Variants in AGBL1 observed in about 807,000 individuals in gnomAD.
AGBL1 encodes cytosolic carboxypeptidase 4.
AGBL1 carries 130 observed loss-of-function variants against 118.9 expected under a neutral mutation model. The observed-to-expected ratio is 1.09, with a 90% CI of 0.95 to 1.26. The LOEUF is 1.26. Ranked by LOEUF, AGBL1 falls within the 50% of genes most tolerant of loss-of-function variation. The probability of loss-of-function intolerance (pLI) is 0.00; values close to 1 mark genes in which losing one functional copy is unlikely to be tolerated. For synonymous variants in AGBL1, 555 were observed against 478.9 expected (o/e 1.16, Z -2.08); for missense variants, 1,584 against 1,298.1 (o/e 1.22, Z -3.38).
intron 15 of AGBL1, among the ~76,000 whole-genome samples, chr15:86,277,262 G>A (rs1168257435): frequency 6.6e-6 from 1 of 151,342 alleles, no homozygotes; most frequent in African/African-American, 2.4e-5. Context: ...AAGCTATGGG[G>A]GGTAGCATGT....
At chr15:86,997,759 C>T (rs1473249592) in intron 24 of AGBL1, among the ~76,000 whole-genome samples, 1 of 151,756 alleles carries the variant, frequency 6.6e-6, no homozygotes, top group Non-Finnish European at 1.5e-5. Flanking sequence ...ATCTCTGCTC[C>T]TTTTTTTTAA....
At chr15:86,212,375 C>G (rs1001952545) in intron 5 of AGBL1, among the ~76,000 whole-genome samples, 8 of 152,096 alleles carry the variant, frequency 5.3e-5, no homozygotes, top group Non-Finnish European at 1.2e-4. Flanking sequence ...GAGTCTGGAA[C>G]TCAGGAAGCG....
chr15:86,512,453 C>A (rs1018264077), intron 18 of AGBL1, among the ~76,000 whole-genome samples: 4 of 134,468 alleles, frequency 3.0e-5, no homozygotes, highest in Non-Finnish European at 5.9e-5. Flanking sequence ...CTTTGAATAT[C>A]CTTGTTCAAT....
rs187432888 is a variant in AGBL1, at chr15:86,473,827, C to A, written c.2556-48983C>A. Among the ~76,000 whole-genome samples the A allele has an allele frequency of 3.3e-5, 5 of 152,080 alleles. No individual in the cohort carries two copies. In the East Asian group the frequency reaches 9.7e-4, roughly 30 times the overall value. ...ATTGATTATTAACTCGGTATTAATT[C>A]CCATAATGGAGTGGCTGGATTGAGC... On this transcript the variant is annotated intron_variant, in intron 18 of 22. Coordinates refer to ENST00000614907, the MANE Select transcript of AGBL1 (RefSeq NM_001386094.1).
intron 17 of AGBL1, among the ~76,000 whole-genome samples, chr15:86,357,726 C>A (rs756252835): frequency 6.6e-6 from 1 of 152,084 alleles, no homozygotes; most frequent in Non-Finnish European, 1.5e-5. Flanking sequence ...AAATAATGTT[C>A]CCTTAACTCT....
intron 17 of AGBL1, among the ~76,000 whole-genome samples, chr15:86,377,096 T>C (rs2081051617): frequency 6.6e-6 from 1 of 152,196 alleles, no homozygotes; most frequent in South Asian, 2.1e-4. Context: ...CTGGGCCTAA[T>C]GGTGCAGAAC....
chr15:86,120,390 C>G (rs1567067209), intron 1 of AGBL1, among the ~76,000 whole-genome samples: 4 of 152,200 alleles, frequency 2.6e-5, no homozygotes, highest in Admixed American at 2.6e-4. Flanking sequence ...CATTAACCTA[C>G]AGTGTACTTG....
At chr15:86,498,355 G>T (rs1368230350) in intron 18 of AGBL1, among the ~76,000 whole-genome samples, 1 of 151,926 alleles carries the variant, frequency 6.6e-6, no homozygotes, top group Non-Finnish European at 1.5e-5. Context: ...TCATTTGAGT[G>T]CCTGGTACAG....
At chr15:86,213,713 T>C (rs900409530) in intron 5 of AGBL1, among the ~76,000 whole-genome samples, 1 of 152,212 alleles carries the variant, frequency 6.6e-6, no homozygotes, top group South Asian at 2.1e-4. Context: ...GACTAGTTAG[T>C]CATCAAATAC....
chr15:86,335,829 A>G (rs1443831061), intron 17 of AGBL1, among the ~76,000 whole-genome samples: 2 of 152,230 alleles, frequency 1.3e-5, no homozygotes, highest in Non-Finnish European at 1.5e-5. Flanking sequence ...CAGCACTTAA[A>G]TTCAGGACAC....
intron 22 of AGBL1, among the ~76,000 whole-genome samples, chr15:86,756,335 T>C (rs1313788377): frequency 6.6e-6 from 1 of 151,898 alleles, no homozygotes; most frequent in Non-Finnish European, 1.5e-5. Context: ...AAATCCCTTT[T>C]CTAGAGTCCA....
At chr15:86,779,665 T>C (rs1186470764) in intron 22 of AGBL1, among the ~76,000 whole-genome samples, 1 of 152,220 alleles carries the variant, frequency 6.6e-6, no homozygotes, top group Non-Finnish European at 1.5e-5. Context: ...ATTCTGATGA[T>C]CCACATTACC....
chr15:86,924,911 T>C (rs2141624834), intron 23 of AGBL1, among the ~76,000 whole-genome samples: 1 of 151,764 alleles, frequency 6.6e-6, no homozygotes, highest in Middle Eastern at 3.4e-3. Context: ...CCGTCTCTAC[T>C]AAAAATACAA....
chr15:86,446,136 G>C (rs2082117949), intron 18 of AGBL1, among the ~76,000 whole-genome samples: 1 of 152,202 alleles, frequency 6.6e-6, no homozygotes. Flanking sequence ...GAGCCGACAT[G>C]ATTCAAGAGG....
chr15:86,550,871 C>G (rs777395270), intron 20 of AGBL1, among the ~76,000 whole-genome samples: 1 of 151,726 alleles, frequency 6.6e-6, no homozygotes, highest in African/African-American at 2.4e-5. Flanking sequence ...GGACTGAAAC[C>G]ATGCACAGAA....
chr15:86,696,753 T>C (rs1360500402), intron 22 of AGBL1, among the ~76,000 whole-genome samples: 1 of 151,976 alleles, frequency 6.6e-6, no homozygotes, highest in Admixed American at 6.6e-5. Context: ...TGTTAAGAGA[T>C]TTGGAGCTCC....
chr15:86,880,422 T>C (rs2079874356), intron 22 of AGBL1, among the ~76,000 whole-genome samples: 1 of 152,146 alleles, frequency 6.6e-6, no homozygotes, highest in Non-Finnish European at 1.5e-5. Context: ...GAGCAGGGGA[T>C]GGAGAAGTTT....
chr15:86,478,127 A>C (rs902138647), intron 18 of AGBL1, among the ~76,000 whole-genome samples: 1 of 152,214 alleles, frequency 6.6e-6, no homozygotes, highest in Non-Finnish European at 1.5e-5. Flanking sequence ...CCAATATCAT[A>C]CTGAATGGGC....
At chr15:86,966,359 T>C (rs2081053042) in intron 23 of AGBL1, among the ~76,000 whole-genome samples, 1 of 151,498 alleles carries the variant, frequency 6.6e-6, no homozygotes. Flanking sequence ...AGTTTTGGGG[T>C]ACATGGGCAC....
Sources: allele counts gnomAD v4.1 joint callset (sites outside exome capture counted in the v4.1 genomes callset), GRCh38; gene constraint gnomAD v4.1.1; transcripts MANE v1.5; gene names NCBI Gene and HGNC (gene_info 2026-07-23, HGNC 2026-07-21).